The following UNC79 variants were observed in gnomAD, a reference collection of about 807,000 sequenced individuals.
UNC79 encodes the protein unc-79 subunit of NALCN channel complex.
In UNC79, 37 loss-of-function variants were observed where a neutral mutation model predicts 283.1. The observed-to-expected ratio is 0.13, with a 90% CI of 0.10 to 0.17. UNC79 has a LOEUF of 0.17. Among genes scored for constraint, UNC79 ranks in the 10% least tolerant of loss-of-function variants. UNC79 has a pLI of 1.00. For synonymous variants in UNC79, 1,107 were observed against 1,200.2 expected (o/e 0.92, Z 1.61); for missense variants, 2,272 against 3,211.1 (o/e 0.71, Z 7.07).
exon 13 of UNC79, chr14:93,540,732 C>T: frequency 6.2e-7 from 1 of 1,613,794 alleles, no homozygotes; most frequent in South Asian, 1.1e-5. Flanking sequence ...AGCTGGGCCT[C>T]TCCTCTTCCC....
At chr14:93,552,340 A>G (rs568939738) in intron 14 of UNC79, among the ~76,000 whole-genome samples, 1 of 152,276 alleles carries the variant, frequency 6.6e-6, no homozygotes, top group South Asian at 2.1e-4. Context: ...TTAGTTATGG[A>G]GGAGGGTGGT....
At chr14:93,574,023 C>T (rs2063343360) in intron 16 of UNC79, among the ~76,000 whole-genome samples, 1 of 152,178 alleles carries the variant, frequency 6.6e-6, no homozygotes, top group African/African-American at 2.4e-5. Context: ...AACAAACAAA[C>T]AAACAGTCAA....
At chr14:93,613,301 C>CGT (rs200301706) in intron 27 of UNC79, among the ~76,000 whole-genome samples, 1,869 of 146,824 alleles carry the variant, frequency 0.013, 21 homozygotes, top group Middle Eastern at 0.045. Context: ...AGACTGCATG[C>CGT]GTGTGTGTGT....
intron 1 of UNC79, among the ~76,000 whole-genome samples, chr14:93,441,280 T>C (rs1471347908): frequency 6.6e-6 from 1 of 152,108 alleles, no homozygotes; most frequent in Non-Finnish European, 1.5e-5. Flanking sequence ...TTGCCTGATA[T>C]ATCTTTTGCC....
chr14:93,374,748 C>T (rs990165171), intron 1 of UNC79, among the ~76,000 whole-genome samples: 3 of 152,112 alleles, frequency 2.0e-5, no homozygotes, highest in African/African-American at 4.8e-5. Context: ...GGTCTAACTA[C>T]GTTATGCAAG....
At chr14:93,417,129 C>T (rs2055479608) in intron 1 of UNC79, among the ~76,000 whole-genome samples, 1 of 152,168 alleles carries the variant, frequency 6.6e-6, no homozygotes, top group African/African-American at 2.4e-5. Context: ...ATGGTCTTTA[C>T]AATTTGGCAT....
chr14:93,691,140 G>A (rs1170164290), intron 45 of UNC79: 1 of 154,438 alleles, frequency 6.5e-6, no homozygotes, highest in East Asian at 1.9e-4. Flanking sequence ...AGCTTGACAA[G>A]TGTGTCTAAC....
intron 38 of UNC79, among the ~76,000 whole-genome samples, chr14:93,657,714 A>G (rs2071107001): frequency 6.6e-6 from 1 of 152,202 alleles, no homozygotes. Flanking sequence ...ACTTGGGCAC[A>G]GAAGAGTGGC....
At chr14:93,606,565 C>T (rs2065902251) in intron 26 of UNC79, among the ~76,000 whole-genome samples, 1 of 152,238 alleles carries the variant, frequency 6.6e-6, no homozygotes, top group Non-Finnish European at 1.5e-5. Flanking sequence ...GAACTTGCTA[C>T]TTAACGAACA....
intron 19 of UNC79, among the ~76,000 whole-genome samples, chr14:93,581,071 C>A (rs577321760): frequency 1.3e-5 from 2 of 151,986 alleles, no homozygotes; most frequent in Admixed American, 6.5e-5. Context: ...GGTTGCCATA[C>A]CTTGCTGTCT....
At chr14:93,539,309 T>A (rs949362418) in intron 12 of UNC79, among the ~76,000 whole-genome samples, 1 of 146,008 alleles carries the variant, frequency 6.8e-6, no homozygotes, top group South Asian at 2.2e-4. Flanking sequence ...GATCACGGGG[T>A]CAGGATTTCG....
intron 14 of UNC79, among the ~76,000 whole-genome samples, chr14:93,558,174 A>G (rs2062289964): frequency 1.3e-5 from 2 of 152,234 alleles, no homozygotes; most frequent in Non-Finnish European, 2.9e-5. Flanking sequence ...CCTCCATGAC[A>G]GAACAACGCA....
chr14:93,380,138 C>T (rs569408397), intron 1 of UNC79, among the ~76,000 whole-genome samples: 9 of 152,220 alleles, frequency 5.9e-5, no homozygotes, highest in African/African-American at 1.7e-4. Context: ...CAGATTTGCT[C>T]TCCTTATTGG....
At chr14:93,643,261 C>G (rs1372446390) in intron 33 of UNC79, among the ~76,000 whole-genome samples, 1 of 152,152 alleles carries the variant, frequency 6.6e-6, no homozygotes, top group African/African-American at 2.4e-5. Context: ...AACTGATGGC[C>G]CAGTTGGTAC....
chr14:93,342,079 T>C (rs1174608919), intron 1 of UNC79, among the ~76,000 whole-genome samples: 3 of 152,198 alleles, frequency 2.0e-5, no homozygotes, highest in Non-Finnish European at 4.4e-5. Context: ...TAGGCAGTGC[T>C]GTAGTAGAGA....
At chr14:93,364,567 A>G (rs1263303056) in intron 1 of UNC79, among the ~76,000 whole-genome samples, 5 of 150,938 alleles carry the variant, frequency 3.3e-5, no homozygotes, top group African/African-American at 4.9e-5. Flanking sequence ...CAGTTTCAAC[A>G]TATACAAGGA....
At chr14:93,618,012 C>T (rs1596093227) in intron 28 of UNC79, among the ~76,000 whole-genome samples, 180 bp from the exon 30 acceptor site, 1 of 151,968 alleles carries the variant, frequency 6.6e-6, no homozygotes, top group Non-Finnish European at 1.5e-5. Context: ...AGAGTGAGAC[C>T]CTGTCTCTAA....
intron 40 of UNC79, among the ~76,000 whole-genome samples, chr14:93,672,936 A>G (rs1388817704): frequency 1.3e-5 from 2 of 152,240 alleles, no homozygotes; most frequent in South Asian, 2.1e-4. Flanking sequence ...GATGCTTGAA[A>G]TAGTCCATTT....
chr14:93,361,957 G>GT (rs1285846079), intron 1 of UNC79, among the ~76,000 whole-genome samples: 2 of 152,154 alleles, frequency 1.3e-5, no homozygotes, highest in Non-Finnish European at 2.9e-5. Flanking sequence ...TGATCTTGTG[G>GT]TTTTTTAGTT....
Sources: allele counts gnomAD v4.1 joint callset (sites outside exome capture counted in the v4.1 genomes callset), GRCh38; gene constraint gnomAD v4.1.1; transcripts MANE v1.5; gene names NCBI Gene and HGNC (gene_info 2026-07-23, HGNC 2026-07-21).